The following NLRP7 variants were observed in gnomAD, a reference collection of about 807,000 sequenced individuals.
The protein encoded by NLRP7 is NACHT, LRR and PYD domains-containing protein 7.
Under a neutral mutation model 85.5 loss-of-function variants are expected in NLRP7, and 72 were observed. The observed-to-expected ratio is 0.84, with a 90% CI of 0.70 to 1.02. The LOEUF (loss-of-function observed/expected upper bound fraction) is 1.02, where lower values mean the gene tolerates loss of function less well. Among genes scored for constraint, NLRP7 ranks in the 50% least tolerant of loss-of-function variants. The pLI is 0.00. For missense variants in NLRP7, 1,243 were observed against 1,219.5 expected (o/e 1.02, Z -0.29); for synonymous variants, 550 against 505.2 (o/e 1.09, Z -1.19).
intron 5 of NLRP7, among the ~76,000 whole-genome samples, chr19:54,937,696 G>C (rs756102558): frequency 6.6e-6 from 1 of 151,952 alleles, no homozygotes; most frequent in African/African-American, 2.4e-5. Context: ...TCAGGAGCTC[G>C]AGATCAGCCT....
At chr19:54,949,036 G>A (rs1375758685), upstream of NLRP7, 1 of 152,782 alleles carries the variant, frequency 6.5e-6, no homozygotes, top group Non-Finnish European at 1.5e-5. Flanking sequence ...CCTGCACTTT[G>A]GAAGGCTGAG....
At chr19:54,943,463 T>A (rs953339261) in intron 1 of NLRP7, among the ~76,000 whole-genome samples, 1 of 151,608 alleles carries the variant, frequency 6.6e-6, no homozygotes, top group Non-Finnish European at 1.5e-5. Flanking sequence ...TAGCCGGGCG[T>A]GGTGGCGGGC....
chr19:54,962,724 C>A (rs1414888299), intron 1 of NLRP7, among the ~76,000 whole-genome samples: 1 of 150,280 alleles, frequency 6.7e-6, no homozygotes, highest in South Asian at 2.1e-4. Flanking sequence ...CTCAGCCTCC[C>A]GAGTAGCTGG....
intron 1 of NLRP7, among the ~76,000 whole-genome samples, chr19:54,957,149 G>C (rs1400245121): frequency 6.6e-6 from 1 of 151,684 alleles, no homozygotes; most frequent in East Asian, 1.9e-4. Context: ...AGCCTCCCAA[G>C]TAGCTGGGAT....
intron 1 of NLRP7, among the ~76,000 whole-genome samples, chr19:54,953,655 G>A (rs903314361): frequency 6.6e-6 from 1 of 151,608 alleles, no homozygotes. Flanking sequence ...TTTCTTTGGA[G>A]GTGGAAATTG....
chr19:54,960,093 C>T (rs2146285302), intron 1 of NLRP7, among the ~76,000 whole-genome samples: 1 of 152,128 alleles, frequency 6.6e-6, no homozygotes, highest in Non-Finnish European at 1.5e-5. Context: ...TTCCATCTAC[C>T]CGAACCAAAC....
At chr19:54,964,810 A>G in intron 1 of NLRP7, among the ~76,000 whole-genome samples, 1 of 137,506 alleles carries the variant, frequency 7.3e-6, no homozygotes, top group Non-Finnish European at 1.6e-5. Flanking sequence ...TGGGGAACAG[A>G]GCAAGACTCC....
chr19:54,936,421 C>T lies in NLRP7; in HGVS notation c.2140G>A (p.Val714Ile), dbSNP rs144534136. Reference sequence around the variant, plus strand: ...TCCCGGTACGCGGTGTCAGGGGTGACGTTTTTAATCCTAGGGAAAAGCAGA... The same window carrying T: ...TCCCGGTACGCGGTGTCAGGGGTGATGTTTTTAATCCTAGGGAAAAGCAGA... Residue 714 changes from valine to isoleucine, a missense_variant, in exon 6 of 10, where the codon GTC (valine) becomes ATC (isoleucine). Coordinates refer to ENST00000340844, the Ensembl canonical transcript of NLRP7. 5.3e-5 allele frequency: 86 copies of T among 1,613,908 alleles called. No homozygotes were observed. In the African/African-American group the frequency reaches 7.3e-4, roughly 14 times the overall value.
intron 9 of NLRP7, among the ~76,000 whole-genome samples, chr19:54,924,924 G>A (rs775867): frequency 0.068 from 10,323 of 152,188 alleles, 1,088 homozygotes; most frequent in African/African-American, 0.23. Flanking sequence ...GTGACAGAGC[G>A]AGACTCTGCC....
chr19:54,936,492 TGTA>T, intron 5 of NLRP7, 61 bp from the exon 6 acceptor site: 1 of 1,384,944 alleles, frequency 7.2e-7, no homozygotes, highest in African/African-American at 1.4e-5. Flanking sequence ...TGTGGAGGCA[TGTA>T]TAAACAAAAA....
rs146492678 is a variant in NLRP7 at position 54,954,250 on chromosome 19, G to A, written c.-76-6745C>T. Among the ~76,000 whole-genome samples, 648 of 148,790 alleles carry A rather than the reference G, an allele frequency of 4.4e-3. 47 individuals carry two copies. Among genetic ancestry groups the A allele is most frequent in the African/African-American group, 5.9e-3 (237 of 40,510 alleles). On this transcript the variant is annotated intron_variant, in intron 1 of 2. Transcript: ENST00000587103. ...TAACCATAAAAATGGGCAACCGGCCGGGCGCGGTGGTCACGCCTGTAATCC... is the reference window on the plus strand; with the variant it reads ...TAACCATAAAAATGGGCAACCGGCCAGGCGCGGTGGTCACGCCTGTAATCC...
chr19:54,952,936 G>A (rs1435490002), intron 1 of NLRP7, among the ~76,000 whole-genome samples: 1 of 152,068 alleles, frequency 6.6e-6, no homozygotes, highest in Non-Finnish European at 1.5e-5. Context: ...TAGAGTTTGA[G>A]ACCAGCCTGG....
At chr19:54,951,780 T>G (rs2069677358), upstream of NLRP7, among the ~76,000 whole-genome samples, 2 of 151,414 alleles carry the variant, frequency 1.3e-5, no homozygotes, top group South Asian at 4.2e-4. Flanking sequence ...AGACGGAGTC[T>G]CGCTCTGTCG....
At chr19:54,959,305 A>ATTTTTTTTTTTTTTTTTTTTTTTTTTT (rs1435097621) in intron 1 of NLRP7, among the ~76,000 whole-genome samples, 1 of 148,116 alleles carries the variant, frequency 6.8e-6, no homozygotes, top group Non-Finnish European at 1.5e-5. Flanking sequence ...TGCCCGGCTA[A>ATTTTTTTTTTTTTTTTTTTTTTTTTTT]TTTTTGTATT....
chr19:54,948,441 T>C (rs2069564578), upstream of NLRP7, among the ~76,000 whole-genome samples: 1 of 152,038 alleles, frequency 6.6e-6, no homozygotes, highest in African/African-American at 2.4e-5. Context: ...ATCCCAGCTA[T>C]TCAGGAGGCT....
Position 54,939,581 on chromosome 19 carries a change from C to T in NLRP7, c.1238G>A (p.Arg413Gln), listed in dbSNP as rs754654914. 9 of 1,611,706 alleles carry T rather than the reference C, an allele frequency of 5.6e-6. No homozygotes were observed. The South Asian group carries it at 6.6e-5, about 12-fold the overall frequency. The stretch of plus-strand genomic sequence containing the variant: ...CTGCGCGGCCAGGAGGCTCAGCGTC[C>T]GCAGCGCGCCCCGCAGCTGTGCGCC... Residue 413 changes from arginine to glutamine, a missense_variant, in exon 4 of 10, where the codon CGG becomes CAG. This residue lies in a region of NLRP7 where 591 missense variants were observed against 563.3 expected (regional missense o/e 1.05). Transcript: ENST00000340844.
intron 1 of NLRP7, among the ~76,000 whole-genome samples, chr19:54,964,033 C>T (rs2070183931): frequency 1.3e-5 from 2 of 149,412 alleles, no homozygotes; most frequent in African/African-American, 4.9e-5. Flanking sequence ...GCACCCGCCA[C>T]CACGCCCGAC....
upstream of NLRP7, among the ~76,000 whole-genome samples, chr19:54,948,497 G>A (rs1464272607): frequency 6.6e-6 from 1 of 152,146 alleles, no homozygotes; most frequent in East Asian, 1.9e-4. Context: ...GCTGCAGTGA[G>A]CTGTGACTGG....
At position 54,927,873 on chromosome 19, in the gene NLRP7, C is replaced by G. The variant is rs981523385; in HGVS notation, c.2810+2626G>C. On this transcript the variant is annotated intron_variant, in intron 9 of 9. Coordinates refer to ENST00000340844, the Ensembl canonical transcript of NLRP7. Reference sequence around the variant, plus strand: ...TCGGGAGGCCAAGGCGGGTGGATCACTTGAGGCCAGGTGTTCGAGACCAGC... The same window carrying G: ...TCGGGAGGCCAAGGCGGGTGGATCAGTTGAGGCCAGGTGTTCGAGACCAGC... 32 of 1,040,694 alleles carry G rather than the reference C, an allele frequency of 3.1e-5. 1 individual carries two copies. Among genetic ancestry groups the G allele is most frequent in the African/African-American group, 2.4e-4 (15 of 63,502 alleles). 64.5% of individuals were successfully genotyped at this position (1,040,694 alleles called of 1,614,324 possible).
Sources: allele counts gnomAD v4.1 joint callset (sites outside exome capture counted in the v4.1 genomes callset), GRCh38; gene constraint gnomAD v4.1.1; regional missense constraint gnomAD v4.1.1; transcripts MANE v1.5; gene names NCBI Gene and HGNC (gene_info 2026-07-23, HGNC 2026-07-21).